CENATAC: variants seen among roughly 807,000 people sequenced by gnomAD.
CENATAC encodes the protein coiled-coil domain containing 84.
Under a neutral mutation model 53.7 loss-of-function variants are expected in CENATAC, and 53 were observed. The ratio of observed to expected loss-of-function variants is 0.99; its 90% CI spans 0.79 to 1.24. CENATAC has a LOEUF of 1.24. Among genes scored for constraint, CENATAC ranks in the 50% most tolerant of loss-of-function variants. The pLI is 0.00. For missense variants in CENATAC, 474 were observed against 417.8 expected (o/e 1.13, Z -1.17); for synonymous variants, 156 against 144.6 (o/e 1.08, Z -0.57).
Position 119,011,983 on chromosome 11 carries a change from A to G in CENATAC, c.558A>G (p.Arg186=). 1 of 1,614,004 alleles carries G rather than the reference A, an allele frequency of 6.2e-7. No homozygotes were observed. The highest frequency in any genetic ancestry group is 8.5e-7 in the Non-Finnish European group (1 of 1,179,974). Residue 186 remains arginine (R), a synonymous_variant, in exon 6 of 11, where the codon AGA becomes AGG. Coordinates refer to ENST00000334418, the MANE Select transcript of CENATAC (RefSeq NM_198489.3). The stretch of plus-strand genomic sequence containing the variant: ...CAGAAGAGGGCTCTTCAGCACCTAG[A>G]AGCTGGAAAGGGATGAACAGGTAAG... ...PDPEEGSSAP[R]SWKGMNSQVA...
intron 5 of CENATAC, 90 bp downstream of exon 5, chr11:119,011,373 T>C: frequency 8.1e-7 from 1 of 1,232,804 alleles, no homozygotes. Flanking sequence ...TAGTGCTTCT[T>C]CTTCTTCTTT....
chr11:119,010,802 A>G lies in CENATAC; in HGVS notation c.422A>G (p.Glu141Gly), dbSNP rs782655248. 32 of 1,614,038 alleles carry G rather than the reference A, an allele frequency of 2.0e-5. No homozygotes were observed. In the East Asian group the frequency reaches 6.5e-4, roughly 33 times the overall value. ...ATGGTGAAAGGTTTGGATTCCTATG[A>G]AGAAAAGGAGGATAAAGTGATCAAG... ...KSMVKGLDSY[E>G]EKEDKVIKEM... The change falls in exon 4 of 11, where the codon GAA becomes GGA. Residue 141 changes from glutamate to glycine, a missense_variant. Transcript: ENST00000334418.
chr11:119,011,974 A>G lies in CENATAC; in HGVS notation c.549A>G (p.Ser183=). Residue 183 remains serine (S), a synonymous_variant, in exon 6 of 11, where the codon TCA becomes TCG. Coordinates refer to ENST00000334418, the MANE Select transcript of CENATAC (RefSeq NM_198489.3). The part of the protein sequence containing the change: ...QAVPDPEEGS[S]APRSWKGMNS... ...TGCCAGACCCAGAAGAGGGCTCTTC[A>G]GCACCTAGAAGCTGGAAAGGGATGA... is the stretch of plus-strand genomic sequence containing the variant. The G allele has an allele frequency of 1.9e-6, 3 of 1,614,094 alleles. No individual in the cohort carries two copies. Among genetic ancestry groups the G allele is most frequent in the Admixed American group, 1.7e-5 (1 of 60,004 alleles).
chr11:119,015,298 A>G lies in CENATAC; in HGVS notation c.806-9A>G, dbSNP rs782221637. ...AAAGAAAAATAAAAGTTTCCCTATCATTGTACAGAGGAAAAACAGAAGTTG... is the reference window on the plus strand; with the variant it reads ...AAAGAAAAATAAAAGTTTCCCTATCGTTGTACAGAGGAAAAACAGAAGTTG... On this transcript the variant is annotated splice_polypyrimidine_tract_variant and intron_variant, in intron 9 of 10. Transcript: ENST00000334418. 46 of 1,605,004 alleles carry G rather than the reference A, an allele frequency of 2.9e-5. No individual in the cohort carries two copies. In the Admixed American group the frequency reaches 6.5e-4, roughly 23 times the overall value.
In CENATAC at chr11:119,015,773, T is replaced by C. The variant is rs992496073; in HGVS notation, c.*175T>C. 7.5e-6 allele frequency: 10 copies of C among 1,326,134 alleles called. No individual in the cohort carries two copies. The highest frequency in any genetic ancestry group is 3.9e-5 in the Admixed American group (2 of 51,072). The allele number at this position is 1,326,134 out of a possible 1,614,324, so 82.1% of individuals were successfully genotyped here. ...GCTGGTTGGACCTGTAAAAAAAAAT[T>C]AAAAGAATCAGAACCATAAAGCTTT... On this transcript the variant is annotated 3_prime_UTR_variant, in exon 11 of 11. Coordinates refer to ENST00000334418, the MANE Select transcript of CENATAC (RefSeq NM_198489.3).
Position 118,998,433 on chromosome 11 carries a change from G to A in CENATAC, c.124G>A (p.Glu42Lys). The change falls in exon 2 of 11, where the codon GAG (glutamate) becomes AAG (lysine). Residue 42 changes from glutamate to lysine, a missense_variant. Glu to Lys is a moderately conservative substitution (Grantham distance 56). Transcript: ENST00000334418. ...CTACTTGGCCTCTCTGCGGCAGGTG[G>A]AGGCGGCCCGCAAGGCCATCCGCGC... The part of the protein sequence containing the change: ...EALERLLPQV[E>K]AARKAIRAAQ... 1 of 1,612,092 alleles carries A rather than the reference G, an allele frequency of 6.2e-7. No individual in the cohort carries two copies.
At chr11:118,998,795 A>G (rs1942142658) in intron 2 of CENATAC, among the ~76,000 whole-genome samples, 1 of 152,084 alleles carries the variant, frequency 6.6e-6, no homozygotes, top group African/African-American at 2.4e-5. Flanking sequence ...TGGCTGCGAG[A>G]GCCCGCTTGG....
chr11:119,011,312 GTA>G (rs1942858072), intron 5 of CENATAC, 29 bp downstream of exon 5: 1 of 1,609,822 alleles, frequency 6.2e-7, no homozygotes, highest in African/African-American at 1.3e-5. Flanking sequence ...ATCCAGACCA[GTA>G]TCCAAATCCA....
At chr11:119,006,043 A>C (rs560001719) in intron 3 of CENATAC, 1 of 140,504 alleles carries the variant, frequency 7.1e-6, no homozygotes, top group Admixed American at 7.2e-5. Flanking sequence ...GGCTCAAGCA[A>C]TCCTCCTGCC....
chr11:119,008,414 T>C (rs1352783205), intron 3 of CENATAC, among the ~76,000 whole-genome samples: 2 of 152,228 alleles, frequency 1.3e-5, no homozygotes, highest in Admixed American at 6.5e-5. Flanking sequence ...GAAAGTACTA[T>C]GCCTGGACGT....
chr11:119,012,581 C>CCTTT (rs143992156), intron 7 of CENATAC: 7,094 of 235,816 alleles, frequency 0.03, 499 homozygotes, highest in African/African-American at 0.15. Flanking sequence ...AGATGCAGAT[C>CCTTT]CTTTCCTTTT....
intron 8 of CENATAC, chr11:119,014,249 G>A (rs1387176323): frequency 6.6e-6 from 1 of 152,276 alleles, no homozygotes; most frequent in Non-Finnish European, 1.5e-5. Flanking sequence ...ATTCCAGGAT[G>A]AAGACAGAAT....
intron 3 of CENATAC, among the ~76,000 whole-genome samples, chr11:118,999,754 T>G (rs1942198421): frequency 1.3e-5 from 2 of 152,254 alleles, no homozygotes; most frequent in African/African-American, 4.8e-5. Flanking sequence ...GCCATTCTCC[T>G]GCCTCAGACT....
intron 9 of CENATAC, 30 bp from the exon 10 acceptor site, chr11:119,015,276 GA>G: frequency 6.3e-7 from 1 of 1,579,868 alleles, no homozygotes; most frequent in Non-Finnish European, 8.6e-7. Flanking sequence ...CTTCAATAAA[GA>G]AAAATAAAAG....
At chr11:119,013,390 G>A in intron 8 of CENATAC, 128 bp downstream of exon 8, 1 of 643,568 alleles carries the variant, frequency 1.6e-6, no homozygotes, top group South Asian at 2.0e-5. Flanking sequence ...CTGCCTCTCA[G>A]GTTCAAGTGA....
In CENATAC at chr11:119,015,317, GA is replaced by G. The variant is rs782433977; in HGVS notation, c.818del (p.Lys273SerfsTer2). ...EEFLKEKEKQKLKKLPPDRVG... is the reference protein window; with the variant it reads ...EEFLKEKEKQXLKKLPPDRVG... ...CCTATCATTGTACAGAGGAAAAACA[GA>G]AGTTGAAAAAACTCCCCCCAGACCG... On this transcript the variant is annotated frameshift_variant, in exon 10 of 11. Coordinates refer to ENST00000334418, the MANE Select transcript of CENATAC (RefSeq NM_198489.3). LOFTEE classifies it high-confidence loss of function. 1.7e-5 allele frequency: 27 copies of G among 1,611,228 alleles called. No individual in the cohort carries two copies. The highest frequency in any genetic ancestry group is 2.3e-5 in the Non-Finnish European group (27 of 1,179,274).
Position 119,012,157 on chromosome 11 carries a change from C to G in CENATAC, c.587C>G (p.Ala196Gly), listed in dbSNP as rs1467102265. The change falls in exon 7 of 11, where the codon GCT becomes GGT. Residue 196 changes from alanine (A) to glycine (G), a missense_variant. Physicochemically the swap from Ala to Gly is moderately conservative, Grantham distance 60. Transcript: ENST00000334418. ...TGGCTCATGTTTTTCAGCCAAGTAG[C>G]TTCCAGCTTACAGCAGCCCTCAAAT... ...RSWKGMNSQV[A>G]SSLQQPSNLD... is the part of the protein sequence containing the mutation. The G allele has an allele frequency of 6.2e-7, 1 of 1,614,188 alleles. No individual in the cohort carries two copies. The highest frequency in any genetic ancestry group is 8.5e-7 in the Non-Finnish European group (1 of 1,180,018).
chr11:119,011,378 TTC>T (rs1191378121), intron 5 of CENATAC, 95 bp downstream of exon 5: 56 of 1,204,758 alleles, frequency 4.6e-5, no homozygotes, highest in Middle Eastern at 4.1e-4. Flanking sequence ...CTTCTTCTTC[TTC>T]TTTTTTTTTT....
Position 119,011,960 on chromosome 11 carries a change from G to C in CENATAC, c.535G>C (p.Glu179Gln). The change falls in exon 6 of 11, where the codon GAA becomes CAA. Residue 179 changes from glutamate to glutamine, a missense_variant. Transcript: ENST00000334418. Reference protein sequence around the residue: ...VLEPQAVPDPEEGSSAPRSWK... With the variant: ...VLEPQAVPDPQEGSSAPRSWK... ...TCAGCCTCAGGCAGTGCCAGACCCAGAAGAGGGCTCTTCAGCACCTAGAAG... is the reference window on the plus strand; with the variant it reads ...TCAGCCTCAGGCAGTGCCAGACCCACAAGAGGGCTCTTCAGCACCTAGAAG... 1.9e-6 allele frequency: 3 copies of C among 1,614,132 alleles called. No homozygotes were observed. The highest frequency in any genetic ancestry group is 2.5e-6 in the Non-Finnish European group (3 of 1,180,018).
Sources: gnomAD v4.1 joint callset for allele counts (sites outside exome capture counted in the v4.1 genomes callset) on GRCh38, gnomAD v4.1.1 for gene constraint, MANE v1.5 for transcripts, NCBI Gene and HGNC (gene_info 2026-07-23, HGNC 2026-07-21) for gene names.